The following CARNS1 variants were observed in gnomAD, a reference collection of about 807,000 sequenced individuals.
The protein encoded by CARNS1 is ATP-grasp domain containing 1.
In CARNS1, 61 loss-of-function variants were observed where a neutral mutation model predicts 74.0. The ratio of observed to expected loss-of-function variants is 0.82; its 90% CI spans 0.67 to 1.02. The LOEUF (loss-of-function observed/expected upper bound fraction) is 1.02, where lower values mean the gene tolerates loss of function less well. Ranked by LOEUF, CARNS1 falls within the 50% of genes least tolerant of loss-of-function variation. The pLI, the probability that CARNS1 is intolerant of heterozygous loss-of-function variation, is 0.00. For synonymous variants in CARNS1, 568 were observed against 605.5 expected (o/e 0.94, Z 0.91); for missense variants, 1,278 against 1,308.4 (o/e 0.98, Z 0.36).
intron 2 of CARNS1, chr11:67,417,053 C>T (rs1384353267): frequency 7.6e-6 from 8 of 1,047,420 alleles, no homozygotes; most frequent in East Asian, 1.4e-4. Flanking sequence ...GTGCCAGGCA[C>T]GCTTTAGGTG....
In CARNS1 at chr11:67,423,285, C is replaced by T; in HGVS notation, c.1627-90C>T. 1 of 1,304,336 alleles carries T rather than the reference C, an allele frequency of 7.7e-7. No homozygotes were observed. Among genetic ancestry groups the T allele is most frequent in the Non-Finnish European group, 1.1e-6 (1 of 939,596 alleles). 80.8% of individuals were successfully genotyped at this position (1,304,336 alleles called of 1,614,324 possible). ...GCACCTAGTGTTTGTGTACTCGTATCCCCTGAAGGGGCCATCCTAGGCCCC... is the reference window on the plus strand; with the variant it reads ...GCACCTAGTGTTTGTGTACTCGTATTCCCTGAAGGGGCCATCCTAGGCCCC... On this transcript the variant is annotated intron_variant, in intron 9 of 9. Coordinates refer to ENST00000687366, the MANE Select transcript of CARNS1 (RefSeq NM_001166222.2). This position sits in a 1 kb window ranked among gnomAD's most constrained non-coding sequence, Gnocchi z 5.1.
chr11:67,424,077 G>A lies in CARNS1; in HGVS notation c.2329G>A (p.Ala777Thr). Residue 777 changes from alanine (A) to threonine (T), a missense_variant, in exon 10 of 10, where the codon GCA becomes ACA. Physicochemically the swap from Ala to Thr is moderately conservative, Grantham distance 58. Around this residue, in one of 3 missense-constraint regions of CARNS1, gnomAD observed 1,164 missense variants for 1,156.5 expected, o/e 1.01. Transcript: ENST00000687366. ...MPTGLAPEQE[A>T]QMVQAAFRCC... ...CACCGGGCTGGCACCAGAGCAGGAG[G>A]CACAGATGGTTCAGGCAGCCTTCCG... 1 of 1,613,378 alleles carries A rather than the reference G, an allele frequency of 6.2e-7. No homozygotes were observed. The highest frequency in any genetic ancestry group is 8.5e-7 in the Non-Finnish European group (1 of 1,179,750).
At position 67,419,237 on chromosome 11, in the gene CARNS1, C is replaced by T. The variant is rs1391853833; in HGVS notation, c.846C>T (p.Ile282=). The change falls in exon 5 of 10, where the codon ATC becomes ATT. Residue 282 remains isoleucine, a synonymous_variant. Coordinates refer to ENST00000687366, the MANE Select transcript of CARNS1 (RefSeq NM_001166222.2). ...TGCGCTCCGAGGCCCTGGGTGATATCCTGCAGGTAACAGACTCTCGCCCAC... is the reference window on the plus strand; with the variant it reads ...TGCGCTCCGAGGCCCTGGGTGATATTCTGCAGGTAACAGACTCTCGCCCAC... ...AFLRSEALGD[I]LQVAVKLSGW... 7 of 1,476,508 alleles carry T rather than the reference C, an allele frequency of 4.7e-6. No individual in the cohort carries two copies. Among genetic ancestry groups the T allele is most frequent in the East Asian group, 2.5e-5 (1 of 40,226 alleles). 91.5% of individuals were successfully genotyped at this position (1,476,508 alleles called of 1,614,324 possible). A position where few individuals can be genotyped will look rare whatever the true frequency, so the allele number is the denominator to read the frequency against.
chr11:67,415,979 TG>T, intron 1 of CARNS1, 196 bp from the exon 2 acceptor site: 1 of 551,848 alleles, frequency 1.8e-6, no homozygotes, highest in Non-Finnish European at 3.3e-6. Context: ...TGAGCCGCAC[TG>T]GGGCAGGAGC....
chr11:67,419,223 G>A lies in CARNS1; in HGVS notation c.832G>A (p.Ala278Thr). Reference sequence around the variant, plus strand: ...AGTGGAGGCTTTTCTGCGCTCCGAGGCCCTGGGTGATATCCTGCAGGTAAC... The same window carrying A: ...AGTGGAGGCTTTTCTGCGCTCCGAGACCCTGGGTGATATCCTGCAGGTAAC... ...EEVEAFLRSE[A>T]LGDILQVAVK... is the part of the protein sequence containing the mutation. The change falls in exon 5 of 10, where the codon GCC (alanine) becomes ACC (threonine). Residue 278 changes from alanine (A) to threonine (T), a missense_variant. Ala to Thr is a moderately conservative substitution (Grantham distance 58). This residue lies in a region of CARNS1 where 1,164 missense variants were observed against 1,156.5 expected (regional missense o/e 1.01). Transcript: ENST00000687366. 1 of 1,486,736 alleles carries A rather than the reference G, an allele frequency of 6.7e-7. No homozygotes were observed. Among genetic ancestry groups the A allele is most frequent in the African/African-American group, 1.4e-5 (1 of 71,464 alleles). 92.1% of individuals were successfully genotyped at this position (1,486,736 alleles called of 1,614,324 possible).
Position 67,425,348 on chromosome 11 carries a change from G to C in CARNS1, c.*747G>C. On this transcript the variant is annotated 3_prime_UTR_variant, in exon 10 of 10. Coordinates refer to ENST00000687366, the MANE Select transcript of CARNS1 (RefSeq NM_001166222.2). ...GTCTTACATGCCCATTCAGCTTCTA[G>C]GCCCCCCTCACCTCCCTGCCCTCAT... 4 of 318,924 alleles carry C rather than the reference G, an allele frequency of 1.3e-5. No individual in the cohort carries two copies. Among genetic ancestry groups the C allele is most frequent in the South Asian group, 1.1e-4 (4 of 37,870 alleles). The allele number at this position is 318,924 out of a possible 1,614,324, so 19.8% of individuals were successfully genotyped here. A position where few individuals can be genotyped will look rare whatever the true frequency, so the allele number is the denominator to read the frequency against.
At position 67,419,505 on chromosome 11, in the gene CARNS1, G is replaced by A. The variant is rs1173677743; in HGVS notation, c.871G>A (p.Gly291Ser). The A allele has an allele frequency of 6.2e-7, 1 of 1,611,804 alleles. No individual in the cohort carries two copies. Among genetic ancestry groups the A allele is most frequent in the Non-Finnish European group, 8.5e-7 (1 of 1,179,590 alleles). ...GCTGCAGGTAGCTGTGAAGCTCAGT[G>A]GCTGGCGCTGGCGGGGGCGGCAGGC... is the stretch of plus-strand genomic sequence containing the variant. ...DILQVAVKLS[G>S]WRWRGRQAWR... Residue 291 changes from glycine (G) to serine (S), a missense_variant, in exon 6 of 10, where the codon GGC (glycine) becomes AGC (serine). Coordinates refer to ENST00000687366, the MANE Select transcript of CARNS1 (RefSeq NM_001166222.2).
chr11:67,419,075 G>A lies in CARNS1; in HGVS notation c.684G>A (p.Val228=). 2 of 1,563,970 alleles carry A rather than the reference G, an allele frequency of 1.3e-6. No homozygotes were observed. The highest frequency in any genetic ancestry group is 1.4e-5 in the African/African-American group (1 of 73,928). Reference sequence around the variant, plus strand: ...TGGCCCAGCAGGGTGGTGTGGCTGTGCCAGCAACCCTGGCTTTCACCTACA... The same window carrying A: ...TGGCCCAGCAGGGTGGTGTGGCTGTACCAGCAACCCTGGCTTTCACCTACA... ...QLLAQQGGVA[V]PATLAFTYKP... The change falls in exon 5 of 10, where the codon GTG becomes GTA. Residue 228 remains valine (V), a synonymous_variant. Transcript: ENST00000687366.
intron 2 of CARNS1, chr11:67,416,545 A>T: frequency 8.8e-7 from 1 of 1,135,820 alleles, no homozygotes; most frequent in Admixed American, 4.5e-5. Context: ...CAACCAAGAG[A>T]TTCTCTTCGT....
chr11:67,416,351 C>T, intron 2 of CARNS1, 149 bp downstream of exon 2: 2 of 1,467,574 alleles, frequency 1.4e-6, no homozygotes, highest in South Asian at 2.7e-5. Context: ...CACCCCCACC[C>T]TGCGGCTGCA....
chr11:67,425,004 C>A lies in CARNS1; in HGVS notation c.*403C>A. ...TACAAGAGGAGAGGACCTGGCTGGG[C>A]CCCAAGCCTTGGACAAATCCTGGGA... On this transcript the variant is annotated 3_prime_UTR_variant, in exon 10 of 10. Coordinates refer to ENST00000687366, the MANE Select transcript of CARNS1 (RefSeq NM_001166222.2). The A allele has an allele frequency of 2.1e-6, 1 of 485,720 alleles. No homozygotes were observed. The highest frequency in any genetic ancestry group is 1.5e-5 in the South Asian group (1 of 64,838). 30.1% of individuals were successfully genotyped at this position (485,720 alleles called of 1,614,324 possible). A position where few individuals can be genotyped will look rare whatever the true frequency, so the allele number is the denominator to read the frequency against.
At chr11:67,422,351 T>G (rs1194757452) in intron 9 of CARNS1, among the ~76,000 whole-genome samples, 1 of 151,586 alleles carries the variant, frequency 6.6e-6, no homozygotes, top group African/African-American at 2.4e-5. Context: ...GTCCGGCTAA[T>G]TTTTTATTTT....
intron 2 of CARNS1, chr11:67,416,492 G>T (rs1422130368): frequency 7.7e-7 from 1 of 1,291,474 alleles, no homozygotes; most frequent in African/African-American, 1.5e-5. Flanking sequence ...CAGGCATGAG[G>T]CCCAGTCCTC....
At chr11:67,415,798 A>C in intron 1 of CARNS1, 35 bp downstream of exon 1, 1 of 157,196 alleles carries the variant, frequency 6.4e-6, no homozygotes, top group Admixed American at 6.5e-5. Context: ...GGGGAGAGCC[A>C]GGGAGGGGGG....
chr11:67,417,718 G>C (rs944207283), intron 3 of CARNS1, 41 bp downstream of exon 3: 1 of 1,223,174 alleles, frequency 8.2e-7, no homozygotes, highest in Non-Finnish European at 1.0e-6. Flanking sequence ...TCTGGGGGCA[G>C]GGAGGGGCCC....
In CARNS1 at chr11:67,418,506, G is replaced by C. The variant is rs1173700395; in HGVS notation, c.350G>C (p.Gly117Ala). The C allele has an allele frequency of 2.0e-6, 3 of 1,523,384 alleles. No homozygotes were observed. The highest frequency in any genetic ancestry group is 2.8e-5 in the African/African-American group (2 of 72,310). 94.4% of individuals were successfully genotyped at this position (1,523,384 alleles called of 1,614,324 possible). A position where few individuals can be genotyped will look rare whatever the true frequency, so the allele number is the denominator to read the frequency against. Residue 117 changes from glycine to alanine, a missense_variant, in exon 4 of 10, where the codon GGG (glycine) becomes GCG (alanine). Coordinates refer to ENST00000687366, the MANE Select transcript of CARNS1 (RefSeq NM_001166222.2). ...STFLPVLLEG[G>A]VQSPGNMLLC... ...TTTCTGCCTGTGCTGCTGGAGGGTG[G>C]GGTCCAGAGCCCGGGTGAGTGTATG...
At chr11:67,416,232 G>A in intron 2 of CARNS1, 30 bp downstream of exon 2, 1 of 1,537,022 alleles carries the variant, frequency 6.5e-7, no homozygotes, top group South Asian at 1.2e-5. Flanking sequence ...TCCCCCACAA[G>A]GCCCAAGTCC....
chr11:67,417,554 A>C lies in CARNS1; in HGVS notation c.151A>C (p.Lys51Gln). The C allele has an allele frequency of 2.2e-6, 3 of 1,392,386 alleles. No homozygotes were observed. Among genetic ancestry groups the C allele is most frequent in the Non-Finnish European group, 2.8e-6 (3 of 1,074,028 alleles). 86.3% of individuals were successfully genotyped at this position (1,392,386 alleles called of 1,614,324 possible). A position where few individuals can be genotyped will look rare whatever the true frequency, so the allele number is the denominator to read the frequency against. Residue 51 changes from lysine (K) to glutamine (Q), a missense_variant, in exon 3 of 10, where the codon AAG becomes CAG. Lys to Gln is a moderately conservative substitution (Grantham distance 53). This residue lies in a region of CARNS1 where 104 missense variants were observed against 127.3 expected (regional missense o/e 0.82). Transcript: ENST00000687366. ...GCGCCAGGACGTGGGCCTGGACTGC[A>C]AGGGATCCCCCGAGGGGGCCGAGGC... is the stretch of plus-strand genomic sequence containing the variant. ...SWRQDVGLDC[K>Q]GSPEGAEARA...
intron 5 of CARNS1, 63 bp from the exon 6 acceptor site, chr11:67,419,424 A>G (rs1476503471): frequency 3.8e-6 from 6 of 1,573,506 alleles, no homozygotes; most frequent in Non-Finnish European, 4.3e-6. Flanking sequence ...CTGTGGCGGA[A>G]GTGCCCCACC....
Sources: allele counts gnomAD v4.1 joint callset (sites outside exome capture counted in the v4.1 genomes callset), GRCh38; gene constraint gnomAD v4.1.1; regional missense constraint gnomAD v4.1.1; non-coding constraint Gnocchi (gnomAD v3.1); transcripts MANE v1.5; gene names NCBI Gene and HGNC (gene_info 2026-07-23, HGNC 2026-07-21).